Variants in FANCD2OS observed in about 807,000 individuals in gnomAD.
The protein encoded by FANCD2OS is FANCD2 opposite strand protein.
In FANCD2OS, 11 loss-of-function variants were observed where a neutral mutation model predicts 13.2. The ratio of observed to expected loss-of-function variants is 0.83; its 90% CI spans 0.52 to 1.38. The LOEUF (loss-of-function observed/expected upper bound fraction) is 1.38. FANCD2OS is among the 40% of genes most tolerant of loss of function. The pLI, the probability that FANCD2OS is intolerant of heterozygous loss-of-function variation, is 0.00. For missense variants in FANCD2OS, 217 were observed against 213.9 expected (o/e 1.01, Z -0.09); for synonymous variants, 69 against 84.5 (o/e 0.82, Z 1.01).
chr3:10,090,114 G>A (rs1490356271), intron 2 of FANCD2OS, among the ~76,000 whole-genome samples: 1 of 152,100 alleles, frequency 6.6e-6, no homozygotes, highest in South Asian at 2.1e-4. Context: ...TGTTTGACAG[G>A]CAATCTTCTT....
chr3:10,088,307 G>A (rs989569741), intron 2 of FANCD2OS: 1 of 701,638 alleles, frequency 1.4e-6, no homozygotes, highest in South Asian at 1.5e-5. Context: ...ACAGCTTTTT[G>A]TAAGTTGCCT....
Position 10,104,698 on chromosome 3 carries a change from G to A in FANCD2OS, c.77C>T (p.Thr26Ile). ...SFQWLRHTTP[T>I]PSSKHPFKAS... Reference sequence around the variant, plus strand: ...CTTGAATGGGTGCTTGGAGGAAGGTGTAGGTGTCGTGTGCCGCAGCCATTG... The same window carrying A: ...CTTGAATGGGTGCTTGGAGGAAGGTATAGGTGTCGTGTGCCGCAGCCATTG... The change falls in exon 2 of 2, where the codon ACA (threonine) becomes ATA (isoleucine). Residue 26 changes from threonine (T) to isoleucine (I), a missense_variant. Coordinates refer to ENST00000450660, the MANE Select transcript of FANCD2OS (RefSeq NM_001164839.2). 1 of 1,613,846 alleles carries A rather than the reference G, an allele frequency of 6.2e-7. No individual in the cohort carries two copies. Among genetic ancestry groups the A allele is most frequent in the Non-Finnish European group, 8.5e-7 (1 of 1,179,854 alleles).
At chr3:10,095,172 A>T (rs746666831) in intron 2 of FANCD2OS, 3 of 1,572,546 alleles carry the variant, frequency 1.9e-6, no homozygotes, top group Non-Finnish European at 1.8e-6. Flanking sequence ...GACATTTCAT[A>T]GAGCATTTAT....
chr3:10,097,520 G>A (rs976576236), intron 2 of FANCD2OS, among the ~76,000 whole-genome samples: 2 of 152,192 alleles, frequency 1.3e-5, no homozygotes, highest in African/African-American at 2.4e-5. Flanking sequence ...GAGAAACATG[G>A]TTCTGTTCCG....
At position 10,087,281 on chromosome 3, in the gene FANCD2OS, C is replaced by CTT. The variant is rs371321981; in HGVS notation, c.*44-5752_*44-5751dup. 0.03 allele frequency: 38,219 copies of CTT among 1,284,988 alleles called. 248 individuals carry two copies. The highest frequency in any genetic ancestry group is 0.09 in the African/African-American group (4,762 of 52,674). 79.6% of individuals were successfully genotyped at this position (1,284,988 alleles called of 1,614,324 possible). A position where few individuals can be genotyped will look rare whatever the true frequency, so the allele number is the denominator to read the frequency against. ...AAAAAATTGGTGATGGGCCTAGATCCTTTTTTTTTTTTTTTTTTTAATGAA... is the reference window on the plus strand; with the variant it reads ...AAAAAATTGGTGATGGGCCTAGATCCTTTTTTTTTTTTTTTTTTTTTAATGAA... On this transcript the variant is annotated intron_variant, in intron 2 of 2. Transcript: ENST00000524279.
intron 2 of FANCD2OS, chr3:10,087,313 T>C (rs2125073473): frequency 2.0e-6 from 3 of 1,511,044 alleles, no homozygotes; most frequent in Non-Finnish European, 2.7e-6. Flanking sequence ...TGAATAGGAC[T>C]AATATCTCAC....
upstream of FANCD2OS, chr3:10,108,318 C>A (rs1182108365): frequency 6.6e-6 from 1 of 152,212 alleles, no homozygotes; most frequent in East Asian, 1.9e-4. Flanking sequence ...CCTTTGTGAC[C>A]CAGGACGGCA....
At chr3:10,085,560 T>G (rs1402737903) in intron 2 of FANCD2OS, among the ~76,000 whole-genome samples, 2 of 151,870 alleles carry the variant, frequency 1.3e-5, no homozygotes, top group East Asian at 3.9e-4. Flanking sequence ...CCCAGCTAAT[T>G]TTTGTATTTT....
intron 1 of FANCD2OS, 144 bp downstream of exon 1, chr3:10,107,871 C>T (rs1695545114): frequency 6.6e-6 from 1 of 152,278 alleles, no homozygotes; most frequent in Non-Finnish European, 1.5e-5. Context: ...CTGTCAACCA[C>T]TCCAGAAGGG....
chr3:10,087,323 CACTT>C (rs1694277919), intron 2 of FANCD2OS: 1 of 1,491,058 alleles, frequency 6.7e-7, no homozygotes, highest in African/African-American at 1.5e-5. Flanking sequence ...TAATATCTCA[CACTT>C]ACAAACTTTG....
chr3:10,094,236 G>C (rs1694819387), intron 2 of FANCD2OS: 1 of 1,352,496 alleles, frequency 7.4e-7, no homozygotes, highest in African/African-American at 1.4e-5. Flanking sequence ...TGCCTCAGGG[G>C]CCTTTCAGTG....
At chr3:10,098,659 C>T (rs2125100512), downstream of FANCD2OS, 2 of 1,590,290 alleles carry the variant, frequency 1.3e-6, no homozygotes, top group South Asian at 1.1e-5. Flanking sequence ...TCAACCTTCT[C>T]CCCTATTACC....
chr3:10,096,610 C>T, intron 2 of FANCD2OS: 2 of 826,520 alleles, frequency 2.4e-6, no homozygotes, highest in Non-Finnish European at 4.1e-6. Flanking sequence ...CTGTTTAACT[C>T]TTAAAGTTAT....
chr3:10,090,505 A>C (rs977618164), intron 2 of FANCD2OS: 4 of 639,476 alleles, frequency 6.3e-6, no homozygotes, highest in Non-Finnish European at 1.0e-5. Flanking sequence ...TGTTGCCCAG[A>C]CTGGAGTGCA....
rs1011444431 is a variant in FANCD2OS at position 10,090,478 on chromosome 3, C to T, written c.*44-8947G>A. ...TTTTTTTTTTTTTTTTTTTCTGAGA[C>T]AGAGTCTTGCTTGTTCTGTTGCCCA... On this transcript the variant is annotated intron_variant, in intron 2 of 2. Transcript: ENST00000524279. 1.7e-5 allele frequency: 12 copies of T among 696,478 alleles called. No individual in the cohort carries two copies. The African/African-American group carries it at 2.7e-4, about 16-fold the overall frequency. 43.1% of individuals were successfully genotyped at this position (696,478 alleles called of 1,614,324 possible).
intron 1 of FANCD2OS, among the ~76,000 whole-genome samples, chr3:10,106,265 C>T (rs1338643282): frequency 1.3e-5 from 2 of 152,186 alleles, no homozygotes; most frequent in African/African-American, 4.8e-5. Flanking sequence ...GGAAGACCTA[C>T]TGGTTCCATA....
intron 2 of FANCD2OS, chr3:10,090,489 T>C (rs1363716237): frequency 2.7e-6 from 2 of 751,402 alleles, no homozygotes; most frequent in East Asian, 3.0e-5. Context: ...AGAGTCTTGC[T>C]TGTTCTGTTG....
chr3:10,105,777 T>C (rs1345415785), intron 1 of FANCD2OS, among the ~76,000 whole-genome samples: 4 of 18,136 alleles, frequency 2.2e-4, no homozygotes, highest in Admixed American at 6.2e-4. Flanking sequence ...AAAAATTATA[T>C]ATATATATAT....
At chr3:10,101,480 G>T, downstream of FANCD2OS, 1 of 504,784 alleles carries the variant, frequency 2.0e-6, no homozygotes, top group Non-Finnish European at 3.6e-6. Flanking sequence ...CCATCTCCTA[G>T]GTTCAAGCGA....
Sources: gnomAD v4.1 joint callset for allele counts (sites outside exome capture counted in the v4.1 genomes callset) on GRCh38, gnomAD v4.1.1 for gene constraint, MANE v1.5 for transcripts, NCBI Gene and HGNC (gene_info 2026-07-23, HGNC 2026-07-21) for gene names.